GALK2: variants seen among roughly 807,000 people sequenced by gnomAD.
The protein encoded by GALK2 is galactokinase 2.
Under a neutral mutation model 52.4 loss-of-function variants are expected in GALK2, and 36 were observed. The ratio of observed to expected loss-of-function variants is 0.69; its 90% CI spans 0.53 to 0.91. The LOEUF is 0.91. Ranked by LOEUF, GALK2 falls within the 40% of genes least tolerant of loss-of-function variation. The pLI is 0.00. For missense variants in GALK2, 579 were observed against 559.1 expected (o/e 1.04, Z -0.36); for synonymous variants, 176 against 199.1 (o/e 0.88, Z 0.98).
At chr15:49,181,726 CTT>C (rs939295465) in intron 1 of GALK2, among the ~76,000 whole-genome samples, 66 of 151,830 alleles carry the variant, frequency 4.3e-4, no homozygotes, top group Non-Finnish European at 4.7e-4. Context: ...TATTTTTAGA[CTT>C]ATAGAAAAAT....
chr15:49,223,797 C>T (rs1438406777), intron 3 of GALK2, among the ~76,000 whole-genome samples: 2 of 151,992 alleles, frequency 1.3e-5, no homozygotes, highest in Non-Finnish European at 2.9e-5. Flanking sequence ...CATTGATGGG[C>T]ACCTGCGTTG....
rs1325539070 is a variant in GALK2, at chr15:49,338,218, A to C, written c.426+18413A>C. Among the ~76,000 whole-genome samples the C allele has an allele frequency of 2.0e-5, 3 of 152,064 alleles. No homozygotes were observed. The East Asian group carries it at 5.8e-4, about 29-fold the overall frequency. ...TGCCCGTTAATTATGTAGTTTCTTT[A>C]TAGCATTGATGGTCTTTACAATTTG... On this transcript the variant is annotated intron_variant, in intron 3 of 3. Transcript: ENST00000558399.
chr15:49,244,633 AAAACTAGGGAGT>A (rs1479727429), intron 5 of GALK2, among the ~76,000 whole-genome samples: 1 of 152,202 alleles, frequency 6.6e-6, no homozygotes, highest in African/African-American at 2.4e-5. Context: ...GTAATCCACC[AAAACTAGGGAGT>A]AAACCAAGAA....
chr15:49,285,212 T>C (rs752456705), intron 7 of GALK2, among the ~76,000 whole-genome samples: 5 of 152,220 alleles, frequency 3.3e-5, no homozygotes, highest in Non-Finnish European at 5.9e-5. Context: ...TTATTTCTCA[T>C]TGTTATTTCT....
At chr15:49,184,649 G>T (rs531654991) in intron 1 of GALK2, among the ~76,000 whole-genome samples, 11 of 151,890 alleles carry the variant, frequency 7.2e-5, no homozygotes, top group African/African-American at 2.7e-4. Context: ...TTTATTTGAG[G>T]TTACCATGAG....
chr15:49,170,533 A>T, intron 1 of GALK2, 158 bp downstream of exon 1: 1 of 658,814 alleles, frequency 1.5e-6, no homozygotes, highest in South Asian at 1.9e-5. Flanking sequence ...GGGCTTGCAA[A>T]AAAGATCACG....
upstream of GALK2, among the ~76,000 whole-genome samples, chr15:49,166,658 C>T (rs147838568): frequency 9.9e-4 from 150 of 152,098 alleles, no homozygotes; most frequent in African/African-American, 2.8e-3. Flanking sequence ...TGCAGTGAGC[C>T]GAGATCGCGC....
rs2036118644 is a variant in GALK2 at position 49,312,989 on chromosome 15, G to T, written c.968-6615G>T. Among the ~76,000 whole-genome samples, 4 of 152,182 alleles carry T rather than the reference G, an allele frequency of 2.6e-5. No individual in the cohort carries two copies. The South Asian group carries it at 8.3e-4, about 32-fold the overall frequency. ...CTGCTGAGAAGTCCTATTATAGAAA[G>T]TTTTATAGAACAAGGACCACAAGCA... On this transcript the variant is annotated intron_variant, in intron 8 of 9. Coordinates refer to ENST00000560031, the MANE Select transcript of GALK2 (RefSeq NM_002044.4).
Position 49,338,812 on chromosome 15 carries a change from G to C in GALK2, c.426+19007G>C, listed in dbSNP as rs1681514965. Among the ~76,000 whole-genome samples, 3 of 152,190 alleles carry C rather than the reference G, an allele frequency of 2.0e-5. No individual in the cohort carries two copies. In the South Asian group the frequency reaches 6.2e-4, roughly 32 times the overall value. On this transcript the variant is annotated intron_variant, in intron 3 of 3. Coordinates refer to the GALK2 transcript ENST00000558399. ...TCACATAGTCCCATATTTGTTGGAG[G>C]CTTTGTTCGTTTCTTTTCATTCTTT...
At position 49,292,350 on chromosome 15, in the gene GALK2, G is replaced by A; in HGVS notation, c.780G>A (p.Leu260=). The change falls in exon 8 of 10, where the codon TTG becomes TTA. Residue 260 remains leucine (L), a synonymous_variant. Coordinates refer to ENST00000560031, the MANE Select transcript of GALK2 (RefSeq NM_002044.4). ...AAKLLAKYKS[L]QWDKVLRLEE... ...AGCTCCTGGCTAAATACAAAAGCTT[G>A]CAATGGGACAAAGTACTGAGGCTGG... 1 of 1,614,004 alleles carries A rather than the reference G, an allele frequency of 6.2e-7. No individual in the cohort carries two copies. Among genetic ancestry groups the A allele is most frequent in the Non-Finnish European group, 8.5e-7 (1 of 1,179,950 alleles).
intron 3 of GALK2, among the ~76,000 whole-genome samples, chr15:49,346,976 A>T (rs2041596992): frequency 6.6e-6 from 1 of 152,196 alleles, no homozygotes; most frequent in South Asian, 2.1e-4. Flanking sequence ...TATCAAAAAC[A>T]TTTTTTAAAA....
rs2038097914 is a variant in GALK2, at chr15:49,329,127, GTATA to G, written c.*972_*975del. On this transcript the variant is annotated 3_prime_UTR_variant, in exon 10 of 10. Transcript: ENST00000560031. ...TTTGCTTGTCTAGCAAAGCTTGTTT[GTATA>G]TATGCACCCCATTGTAAAGCAGGTA... is the stretch of plus-strand genomic sequence containing the variant. 1 of 991,984 alleles carries G rather than the reference GTATA, an allele frequency of 1.0e-6. No individual in the cohort carries two copies. Among genetic ancestry groups the G allele is most frequent in the African/African-American group, 1.7e-5 (1 of 57,370 alleles). 61.4% of individuals were successfully genotyped at this position (991,984 alleles called of 1,614,324 possible). A position where few individuals can be genotyped will look rare whatever the true frequency, so the allele number is the denominator to read the frequency against.
intron 3 of GALK2, among the ~76,000 whole-genome samples, chr15:49,356,048 T>A (rs1260549152): frequency 1.3e-5 from 2 of 150,814 alleles, no homozygotes. Context: ...GCTGAGAGAT[T>A]TTCTCACCAA....
rs560449041 is a variant in GALK2 at position 49,361,618 on chromosome 15, G to A, written c.427-5873G>A. On this transcript the variant is annotated intron_variant, in intron 3 of 3. Transcript: ENST00000558399. Reference sequence around the variant, plus strand: ...CTGCACAGTATTCCCTGGTGTATATGTACCACGTTTTCTTTACCTAGTCCT... The same window carrying A: ...CTGCACAGTATTCCCTGGTGTATATATACCACGTTTTCTTTACCTAGTCCT... Among the ~76,000 whole-genome samples, 5 of 152,260 alleles carry A rather than the reference G, an allele frequency of 3.3e-5. No individual in the cohort carries two copies. The East Asian group carries it at 9.6e-4, about 29-fold the overall frequency.
downstream of GALK2, chr15:49,335,272 T>C: frequency 3.4e-6 from 2 of 585,490 alleles, no homozygotes; most frequent in South Asian, 2.2e-5. Context: ...CCCTTGACAC[T>C]TACCTGAAAA....
chr15:49,160,200 G>T (rs748487215), intron 1 of GALK2, among the ~76,000 whole-genome samples: 4 of 152,036 alleles, frequency 2.6e-5, no homozygotes, highest in Admixed American at 2.6e-4. Context: ...GCTTGCATCT[G>T]GGAGGTCGGG....
chr15:49,229,740 T>C (rs1227661226), intron 3 of GALK2, among the ~76,000 whole-genome samples: 2 of 152,224 alleles, frequency 1.3e-5, no homozygotes, highest in African/African-American at 4.8e-5. Context: ...GCAGTGGCTG[T>C]GATGTGGCCC....
chr15:49,318,548 A>G (rs914616228), intron 8 of GALK2, among the ~76,000 whole-genome samples: 1 of 152,236 alleles, frequency 6.6e-6, no homozygotes, highest in African/African-American at 2.4e-5. Context: ...TAATATTTCA[A>G]AAATGAATAT....
intron 8 of GALK2, among the ~76,000 whole-genome samples, chr15:49,293,473 A>C (rs1165534828): frequency 6.6e-6 from 1 of 152,244 alleles, no homozygotes; most frequent in Non-Finnish European, 1.5e-5. Context: ...TTTATAAAAT[A>C]AACTTTTACT....
Sources: allele counts gnomAD v4.1 joint callset (sites outside exome capture counted in the v4.1 genomes callset), GRCh38; gene constraint gnomAD v4.1.1; transcripts MANE v1.5; gene names NCBI Gene and HGNC (gene_info 2026-07-23, HGNC 2026-07-21).